FBN1: variants seen among roughly 807,000 people sequenced by gnomAD.
FBN1 encodes the protein fibrillin-1.
In FBN1, 29 loss-of-function variants were observed where a neutral mutation model predicts 365.1. That is an observed-to-expected ratio of 0.08 (90% CI 0.06 to 0.11). FBN1 has a LOEUF of 0.11. Ranked by LOEUF, FBN1 falls within the 10% of genes least tolerant of loss-of-function variation. The pLI is 1.00. For missense variants in FBN1, 2,476 were observed against 3,703.2 expected (o/e 0.67, Z 8.60); for synonymous variants, 1,210 against 1,270.5 (o/e 0.95, Z 1.01).
At chr15:48,463,344 G>C (rs2043295669) in intron 41 of FBN1, 104 bp from the exon 42 acceptor site, 3 of 1,137,432 alleles carry the variant, frequency 2.6e-6, no homozygotes, top group Non-Finnish European at 4.0e-6. Flanking sequence ...CATTTGAATT[G>C]TATTGTAGCT....
Position 48,485,494 on chromosome 15 carries a change from T to C in FBN1, c.3592A>G (p.Ile1198Val), listed in dbSNP as rs370572503. The C allele has an allele frequency of 9.3e-6, 15 of 1,614,062 alleles. No individual in the cohort carries two copies. Among genetic ancestry groups the C allele is most frequent in the Non-Finnish European group, 1.3e-5 (15 of 1,180,016 alleles). The change falls in exon 30 of 66, where the codon ATT becomes GTT. Residue 1198 changes from isoleucine (I) to valine (V), a missense_variant and splice_region_variant. Around this residue, in one of 5 missense-constraint regions of FBN1, gnomAD observed 1,780 missense variants for 2,840.8 expected, o/e 0.63. Transcript: ENST00000316623. Reference protein sequence around the residue: ...STPDRLFCVDIDECSIMNGGC... With the variant: ...STPDRLFCVDVDECSIMNGGC... ...CCATTCATTATGCTGCATTCATCAA[T>C]GTCTAAAAGAAATGAAAATAATATC...
At chr15:48,615,718 A>T (rs978699039) in intron 2 of FBN1, among the ~76,000 whole-genome samples, 1 of 152,070 alleles carries the variant, frequency 6.6e-6, no homozygotes, top group African/African-American at 2.4e-5. Flanking sequence ...TAACCAATAC[A>T]TAAAAGTTAT....
At position 48,487,243 on chromosome 15, in the gene FBN1, C is replaced by G. The variant is rs2043516061; in HGVS notation, c.3464-43G>C. On this transcript the variant is annotated intron_variant, in intron 28 of 65. Coordinates refer to ENST00000316623, the MANE Select transcript of FBN1 (RefSeq NM_000138.5). ...AGAACAAACACCCAAACATAAGCTT[C>G]CAACTTTGGCAATGATGTCATTCAA... is the stretch of plus-strand genomic sequence containing the variant. 3.1e-6 allele frequency: 5 copies of G among 1,614,120 alleles called. No individual in the cohort carries two copies. In the Admixed American group the frequency reaches 8.3e-5, roughly 27 times the overall value.
At chr15:48,463,786 T>A in intron 41 of FBN1, 113 bp downstream of exon 41, 1 of 1,190,864 alleles carries the variant, frequency 8.4e-7, no homozygotes, top group Non-Finnish European at 1.2e-6. Context: ...AGTGAAGGGA[T>A]GCCAGCACTC....
rs777612162 is a variant in FBN1, at chr15:48,497,410, C to A, written c.2168-19G>T. 1.5e-5 allele frequency: 24 copies of A among 1,606,040 alleles called. No individual in the cohort carries two copies. Among genetic ancestry groups the A allele is most frequent in the Non-Finnish European group, 6.0e-6 (7 of 1,173,084 alleles). On this transcript the variant is annotated intron_variant, in intron 18 of 65. Coordinates refer to ENST00000316623, the MANE Select transcript of FBN1 (RefSeq NM_000138.5). ...TTTATATCTGCACCACAAAAAAGGTCAAAATCAATTAAGATTATAAAATAA... is the reference window on the plus strand; with the variant it reads ...TTTATATCTGCACCACAAAAAAGGTAAAAATCAATTAAGATTATAAAATAA...
chr15:48,427,498 ATC>A, intron 58 of FBN1, 67 bp downstream of exon 58: 2 of 1,501,454 alleles, frequency 1.3e-6, no homozygotes, highest in East Asian at 4.5e-5. Context: ...CCATATTTTC[ATC>A]TGTGTTTCAC....
At chr15:48,518,788 T>C (rs2043826839) in intron 10 of FBN1, among the ~76,000 whole-genome samples, 1 of 152,206 alleles carries the variant, frequency 6.6e-6, no homozygotes. Flanking sequence ...AAATCCTTCC[T>C]GCATCACTCT....
rs201001403 is a variant in FBN1 at position 48,470,765 on chromosome 15, G to T, written c.4337-9C>A. ...GGAGCACTCATCAATATCTTGGGGG[G>T]AGGGAGAAAAAAGCAAAAAACTTAA... On this transcript the variant is annotated splice_polypyrimidine_tract_variant and intron_variant, in intron 35 of 65. Coordinates refer to ENST00000316623, the MANE Select transcript of FBN1 (RefSeq NM_000138.5). The T allele has an allele frequency of 1.2e-6, 2 of 1,613,896 alleles. No individual in the cohort carries two copies. Among genetic ancestry groups the T allele is most frequent in the Non-Finnish European group, 8.5e-7 (1 of 1,179,942 alleles).
chr15:48,571,065 A>AG (rs1430989391), intron 6 of FBN1, among the ~76,000 whole-genome samples: 1 of 152,240 alleles, frequency 6.6e-6, no homozygotes, highest in East Asian at 1.9e-4. Context: ...TCAGAAACCA[A>AG]GGGCAATGCA....
intron 32 of FBN1, among the ~76,000 whole-genome samples, chr15:48,479,557 A>G (rs1167518257): frequency 6.6e-6 from 1 of 152,240 alleles, no homozygotes; most frequent in Non-Finnish European, 1.5e-5. Context: ...TTTAGGCTGT[A>G]ATTTTCAAAA....
chr15:48,472,402 T>A (rs2043383239), intron 35 of FBN1, 149 bp downstream of exon 35: 1 of 1,048,866 alleles, frequency 9.5e-7, no homozygotes. Context: ...GGAAACCTAA[T>A]CCCTCTACAA....
At chr15:48,531,913 T>C (rs2043976528) in intron 8 of FBN1, among the ~76,000 whole-genome samples, 1 of 152,028 alleles carries the variant, frequency 6.6e-6, no homozygotes, top group Admixed American at 6.6e-5. Context: ...ATTAATGTAA[T>C]AGTAGATGGC....
rs955410859 is a variant in FBN1 at position 48,468,282 on chromosome 15, A to G, written c.4582+130T>C. The G allele has an allele frequency of 9.5e-6, 13 of 1,372,730 alleles. No homozygotes were observed. In the Admixed American group the frequency reaches 1.8e-4, roughly 19 times the overall value. The allele number at this position is 1,372,730 out of a possible 1,614,324, so 85.0% of individuals were successfully genotyped here. A position where few individuals can be genotyped will look rare whatever the true frequency, so the allele number is the denominator to read the frequency against. On this transcript the variant is annotated intron_variant, in intron 37 of 65. Coordinates refer to ENST00000316623, the MANE Select transcript of FBN1 (RefSeq NM_000138.5). ...CCCTATGGAAAAGATATCTGAATCT[A>G]AAGTAGAGTTAGGAAATGTTTAAAT...
At chr15:48,426,621 C>G (rs2042981372) in intron 58 of FBN1, among the ~76,000 whole-genome samples, 1 of 152,156 alleles carries the variant, frequency 6.6e-6, no homozygotes, top group Non-Finnish European at 1.5e-5. Context: ...CAAGCACTTT[C>G]TACATGGGTT....
chr15:48,558,807 C>T (rs986972608), intron 6 of FBN1, among the ~76,000 whole-genome samples: 3 of 152,124 alleles, frequency 2.0e-5, no homozygotes, highest in Non-Finnish European at 2.9e-5. Flanking sequence ...TTTGAAGTAT[C>T]GTGGGAGTAC....
chr15:48,446,586 T>C, intron 47 of FBN1, 120 bp downstream of exon 47: 2 of 752,730 alleles, frequency 2.7e-6, no homozygotes. Context: ...CATAACCAAT[T>C]GTTATGCATA....
At chr15:48,469,593 C>T (rs2141274533) in intron 36 of FBN1, among the ~76,000 whole-genome samples, 1 of 152,246 alleles carries the variant, frequency 6.6e-6, no homozygotes, top group East Asian at 1.9e-4. Context: ...AGAGGGACAA[C>T]ACCTTTGCCT....
At chr15:48,556,592 C>G (rs905265836) in intron 6 of FBN1, among the ~76,000 whole-genome samples, 2 of 152,180 alleles carry the variant, frequency 1.3e-5, no homozygotes, top group African/African-American at 2.4e-5. Flanking sequence ...AAAAAGGGTT[C>G]CCTGAGATCT....
intron 65 of FBN1, 120 bp from the exon 66 acceptor site, chr15:48,411,499 C>T (rs2042863840): frequency 3.4e-6 from 3 of 874,836 alleles, no homozygotes; most frequent in African/African-American, 3.3e-5. Flanking sequence ...GCTGCATACA[C>T]AATATTGAAA....
Sources: gnomAD v4.1 joint callset for allele counts (sites outside exome capture counted in the v4.1 genomes callset) on GRCh38, gnomAD v4.1.1 for gene constraint, gnomAD v4.1.1 regional missense constraint, MANE v1.5 for transcripts, NCBI Gene and HGNC (gene_info 2026-07-23, HGNC 2026-07-21) for gene names.